The following PRPF18 variants were observed in gnomAD, a reference collection of about 807,000 sequenced individuals.
PRPF18 encodes pre-mRNA processing factor 18, also known as pre-mRNA-splicing factor 18.
A neutral mutation model predicts 46.5 loss-of-function variants in PRPF18; 38 were observed. The ratio of observed to expected loss-of-function variants is 0.82; its 90% confidence interval spans 0.63 to 1.07. The LOEUF (loss-of-function observed/expected upper bound fraction) is 1.07. Among genes scored for constraint, PRPF18 ranks in the 50% least tolerant of loss-of-function variants. PRPF18 has a pLI of 0.00. For missense variants in PRPF18, 263 were observed against 410.0 expected, an observed-to-expected ratio of 0.64 and a Z score of 3.10; for synonymous variants, 152 against 146.7, an observed-to-expected ratio of 1.04 and a Z score of -0.26.
At chr10:13,654,387 A>C in the PRPF18 span, 2 of 1,380,568 alleles carry the variant, frequency 1.4e-6, no homozygotes, top group African/African-American at 2.8e-5. Flanking sequence ...TCGAGCTGAC[A>C]CAGTGAAGAA....
chr10:13,650,678 A>G, the PRPF18 span, among the ~76,000 whole-genome samples: 1 of 152,014 alleles, frequency 6.6e-6, no homozygotes, highest in African/African-American at 2.4e-5. Flanking sequence ...CCCTGTCCTA[A>G]TTGCCCATCT....
At chr10:13,624,513 G>A (rs1414676620) in intron 9 of PRPF18, among the ~76,000 whole-genome samples, 1 of 152,210 alleles carries the variant, frequency 6.6e-6, no homozygotes, top group African/African-American at 2.4e-5. Flanking sequence ...TCCAGAGGTT[G>A]CCTGCCCAAG....
chr10:13,653,852 A>G, the PRPF18 span: 1 of 157,938 alleles, frequency 6.3e-6, no homozygotes, highest in Non-Finnish European at 1.4e-5. Context: ...CAAGCTATCA[A>G]AGGGAGCTGC....
chr10:13,591,166 G>A (rs1292535877), intron 1 of PRPF18, among the ~76,000 whole-genome samples: 1 of 152,154 alleles, frequency 6.6e-6, no homozygotes, highest in Admixed American at 6.5e-5. Context: ...TACACAACTA[G>A]GCGTCTTTTC....
At chr10:13,652,089 T>G in the PRPF18 span, 1 of 730,126 alleles carries the variant, frequency 1.4e-6, no homozygotes, top group East Asian at 2.5e-5. Context: ...GCTTGCTGAT[T>G]AGACACCTGA....
intron 1 of PRPF18, chr10:13,591,507 A>G (rs2079960852): frequency 2.8e-6 from 2 of 707,684 alleles, no homozygotes. Flanking sequence ...GCAAACACAG[A>G]TCGCAGGTAG....
chr10:13,652,269 C>T, the PRPF18 span: 1 of 450,238 alleles, frequency 2.2e-6, no homozygotes, highest in Non-Finnish European at 4.1e-6. Flanking sequence ...TCAAATTTGG[C>T]TTGAGTCCTC....
the PRPF18 span, chr10:13,655,265 C>A: frequency 4.6e-5 from 7 of 152,212 alleles, no homozygotes; most frequent in Non-Finnish European, 8.8e-5. Context: ...AAAAGATCTA[C>A]CTCATCTCTT....
chr10:13,601,201 C>A (rs1296349137), intron 3 of PRPF18, among the ~76,000 whole-genome samples: 1 of 152,142 alleles, frequency 6.6e-6, no homozygotes, highest in African/African-American at 2.4e-5. Flanking sequence ...TGATTATTTC[C>A]TTTGGAAACA....
chr10:13,615,379 C>T (rs990806973), intron 8 of PRPF18, among the ~76,000 whole-genome samples: 1 of 152,184 alleles, frequency 6.6e-6, no homozygotes, highest in African/African-American at 2.4e-5. Context: ...CTAAATATTG[C>T]AGTTTTTATC....
chr10:13,633,731 C>T (rs1391478461), downstream of PRPF18, among the ~76,000 whole-genome samples: 1 of 152,208 alleles, frequency 6.6e-6, no homozygotes, highest in Non-Finnish European at 1.5e-5. Flanking sequence ...GTGCCTCCTC[C>T]TTCCCCCAGT....
At chr10:13,589,257 AAG>A (rs2079922300) in intron 1 of PRPF18, among the ~76,000 whole-genome samples, 1 of 152,340 alleles carries the variant, frequency 6.6e-6, no homozygotes, top group African/African-American at 2.4e-5. Flanking sequence ...CCCAAGTCTG[AAG>A]AACCATGGTT....
At chr10:13,653,093 T>C in the PRPF18 span, 1 of 151,888 alleles carries the variant, frequency 6.6e-6, no homozygotes, top group East Asian at 1.9e-4. Flanking sequence ...GAGGATTGTA[T>C]GAGCTCATGT....
chr10:13,637,682 A>G, the PRPF18 span, among the ~76,000 whole-genome samples: 1 of 152,236 alleles, frequency 6.6e-6, no homozygotes, highest in African/African-American at 2.4e-5. Context: ...AGATATTGAC[A>G]TAACCTTTGC....
intron 3 of PRPF18, among the ~76,000 whole-genome samples, chr10:13,603,472 C>A (rs1202602347): frequency 1.3e-5 from 2 of 152,120 alleles, no homozygotes; most frequent in African/African-American, 2.4e-5. Context: ...AAACTGATAA[C>A]CAGAAAAATA....
intron 5 of PRPF18, among the ~76,000 whole-genome samples, chr10:13,610,620 C>T (rs144115303): frequency 1.1e-4 from 16 of 152,242 alleles, no homozygotes; most frequent in African/African-American, 3.6e-4. Flanking sequence ...CCATGTGTTA[C>T]GCCATTCACT....
the PRPF18 span, among the ~76,000 whole-genome samples, chr10:13,636,521 C>T: frequency 6.6e-6 from 1 of 152,164 alleles, no homozygotes; most frequent in Non-Finnish European, 1.5e-5. Flanking sequence ...AGGACAGTGG[C>T]TTGGCCCTTT....
In PRPF18 at chr10:13,597,494, A is replaced by C. The variant is rs141866186; in HGVS notation, c.103A>C (p.Lys35Gln). 11 of 1,609,104 alleles carry C rather than the reference A, an allele frequency of 6.8e-6. No homozygotes were observed. The African/African-American group carries it at 1.3e-4, about 20-fold the overall frequency. ...KKYFKRSELA[K>Q]KEEEAYFERC... ...ATATTTCAAGCGTAGTGAGCTCGCC[A>C]AAAAAGAAGAGGAAGCATATTTTGA... The change falls in exon 2 of 10, where the codon AAA becomes CAA. Residue 35 changes from lysine to glutamine, a missense_variant. Lys to Gln is a moderately conservative substitution (Grantham distance 53). This residue lies in a region of PRPF18 where 71 missense variants were observed against 69.2 expected (regional missense o/e 1.03). Transcript: ENST00000378572.
At chr10:13,625,791 G>A (rs533455907) in intron 9 of PRPF18, among the ~76,000 whole-genome samples, 24 of 152,360 alleles carry the variant, frequency 1.6e-4, no homozygotes, top group African/African-American at 5.8e-4. Flanking sequence ...AGCACTAGAA[G>A]GTAGAAGACA....
Sources: allele counts gnomAD v4.1 joint callset (sites outside exome capture counted in the v4.1 genomes callset), GRCh38; gene constraint gnomAD v4.1.1; regional missense constraint gnomAD v4.1.1; transcripts MANE v1.5; gene names NCBI Gene and HGNC (gene_info 2026-07-23, HGNC 2026-07-21).